KIF16B: variants seen among roughly 807,000 people sequenced by gnomAD.
KIF16B encodes kinesin family member 16B, also known as kinesin-like protein KIF16B.
Under a neutral mutation model 156.3 loss-of-function variants are expected in KIF16B, and 98 were observed. The ratio of observed to expected loss-of-function variants is 0.63; its 90% CI spans 0.53 to 0.74. The LOEUF (loss-of-function observed/expected upper bound fraction) is 0.74, where lower values mean the gene tolerates loss of function less well. KIF16B is among the 30% of genes least tolerant of loss of function. KIF16B has a pLI of 0.00. For synonymous variants in KIF16B, 564 were observed against 583.7 expected (o/e 0.97, Z 0.49); for missense variants, 1,421 against 1,606.5 (o/e 0.88, Z 1.97).
At chr20:16,530,869 T>G (rs778660160) in intron 1 of KIF16B, among the ~76,000 whole-genome samples, 2 of 152,036 alleles carry the variant, frequency 1.3e-5, no homozygotes, top group Non-Finnish European at 2.9e-5. Flanking sequence ...ACCTGCCTAT[T>G]TTTGTATTTT....
rs190894722 is a variant in KIF16B, at chr20:16,522,789, T to C, written c.231+3303A>G. On this transcript the variant is annotated intron_variant, in intron 3 of 25. Transcript: ENST00000354981. ...TGGAAGTAAAACACTCCTCAGCAAA[T>C]GCAAAAGAATGGATATCCTAACAAA... Among the ~76,000 whole-genome samples the C allele has an allele frequency of 1.1e-3, 172 of 152,200 alleles. 1 individual carries two copies. Among genetic ancestry groups the C allele is most frequent in the African/African-American group, 3.9e-3 (162 of 41,530 alleles).
chr20:16,380,974 T>C (rs940622133), intron 18 of KIF16B, among the ~76,000 whole-genome samples: 14 of 152,192 alleles, frequency 9.2e-5, no homozygotes, highest in African/African-American at 3.4e-4. Flanking sequence ...GCCAGTTTAT[T>C]TGTGACATTT....
intron 10 of KIF16B, among the ~76,000 whole-genome samples, chr20:16,501,711 A>G (rs970520682): frequency 6.6e-6 from 1 of 152,212 alleles, no homozygotes; most frequent in Non-Finnish European, 1.5e-5. Context: ...GGTGACTCTC[A>G]CAAACATAAT....
intron 25 of KIF16B, among the ~76,000 whole-genome samples, chr20:16,287,284 C>A (rs1288348375): frequency 6.6e-6 from 1 of 152,182 alleles, no homozygotes; most frequent in African/African-American, 2.4e-5. Flanking sequence ...TCTTCCAATT[C>A]TTTTAATATT....
chr20:16,522,277 T>A (rs1255406039), intron 3 of KIF16B, among the ~76,000 whole-genome samples: 1 of 151,892 alleles, frequency 6.6e-6, no homozygotes, highest in Non-Finnish European at 1.5e-5. Flanking sequence ...AGGAGACCCA[T>A]CTCACATGCA....
At chr20:16,426,440 C>T (rs371669319) in intron 15 of KIF16B, among the ~76,000 whole-genome samples, 26 of 152,232 alleles carry the variant, frequency 1.7e-4, no homozygotes, top group African/African-American at 6.0e-4. Flanking sequence ...CAACCAAATG[C>T]CATACAGGAA....
At chr20:16,546,014 C>T (rs2070393118) in intron 1 of KIF16B, among the ~76,000 whole-genome samples, 1 of 152,092 alleles carries the variant, frequency 6.6e-6, no homozygotes, top group Non-Finnish European at 1.5e-5. Context: ...ATAATTCAAA[C>T]TAAATTGCAA....
intron 24 of KIF16B, among the ~76,000 whole-genome samples, chr20:16,333,163 A>G (rs1162418692): frequency 6.6e-6 from 1 of 152,058 alleles, no homozygotes; most frequent in Non-Finnish European, 1.5e-5. Context: ...GAACAAACCA[A>G]ACTTGGTTCT....
intron 1 of KIF16B, among the ~76,000 whole-genome samples, chr20:16,553,514 A>C (rs1429706512): frequency 1.3e-5 from 2 of 152,226 alleles, no homozygotes; most frequent in African/African-American, 4.8e-5. Flanking sequence ...ATTGAGCCTA[A>C]GAGAGTATCT....
chr20:16,408,726 G>C (rs2065846986), intron 15 of KIF16B, among the ~76,000 whole-genome samples: 3 of 152,036 alleles, frequency 2.0e-5, no homozygotes, highest in Admixed American at 2.0e-4. Flanking sequence ...GCCCTGTAAG[G>C]AGTTATAAAA....
At chr20:16,402,344 A>G (rs1600299099) in intron 17 of KIF16B, among the ~76,000 whole-genome samples, 1 of 152,208 alleles carries the variant, frequency 6.6e-6, no homozygotes, top group East Asian at 1.9e-4. Context: ...CTCTCCTCCA[A>G]CAAGCATGCA....
intron 15 of KIF16B, among the ~76,000 whole-genome samples, chr20:16,422,903 T>G (rs1049133353): frequency 2.0e-5 from 3 of 152,084 alleles, no homozygotes; most frequent in African/African-American, 7.2e-5. Context: ...AAGAAAAAAT[T>G]TCTTTAAAAA....
intron 20 of KIF16B, among the ~76,000 whole-genome samples, chr20:16,372,830 T>A (rs2123330834): frequency 6.6e-6 from 1 of 152,330 alleles, no homozygotes; most frequent in East Asian, 1.9e-4. Flanking sequence ...CCCAGGTAGC[T>A]GGGATTACAG....
intron 17 of KIF16B, among the ~76,000 whole-genome samples, chr20:16,396,648 C>G (rs140346035): frequency 0.018 from 2,186 of 124,658 alleles, 28 homozygotes; most frequent in South Asian, 0.03. Flanking sequence ...ACTGTAGTCG[C>G]TTTTTTTTTT....
chr20:16,330,808 T>C (rs992786722), intron 24 of KIF16B, among the ~76,000 whole-genome samples: 12 of 152,236 alleles, frequency 7.9e-5, no homozygotes, highest in Admixed American at 7.9e-4. Context: ...CTCAGCAGGC[T>C]GTTGGGACTC....
At chr20:16,513,451 GAGTTTGAGACCAGCCT>G (rs1471885328) in intron 4 of KIF16B, among the ~76,000 whole-genome samples, 1 of 152,000 alleles carries the variant, frequency 6.6e-6, no homozygotes, top group Non-Finnish European at 1.5e-5. Flanking sequence ...CTGAGGTCAG[GAGTTTGAGACCAGCCT>G]GGCCAACATG....
At chr20:16,465,170 G>A (rs957809705) in intron 12 of KIF16B, among the ~76,000 whole-genome samples, 2 of 152,190 alleles carry the variant, frequency 1.3e-5, no homozygotes, top group Non-Finnish European at 2.9e-5. Context: ...AGAAGAAAGA[G>A]AGGCTTAACA....
chr20:16,471,636 G>C (rs1264929007), intron 12 of KIF16B, among the ~76,000 whole-genome samples: 9 of 152,120 alleles, frequency 5.9e-5, no homozygotes, highest in Admixed American at 5.9e-4. Context: ...GCCTTAACAA[G>C]TATATTTAGT....
chr20:16,567,461 G>A (rs1319628449), intron 1 of KIF16B, among the ~76,000 whole-genome samples: 2 of 152,094 alleles, frequency 1.3e-5, no homozygotes, highest in Non-Finnish European at 2.9e-5. Flanking sequence ...TGTGTGTTGT[G>A]TATTCTCTGA....
Sources: allele counts gnomAD v4.1 joint callset (sites outside exome capture counted in the v4.1 genomes callset), GRCh38; gene constraint gnomAD v4.1.1; transcripts MANE v1.5; gene names NCBI Gene and HGNC (gene_info 2026-07-23, HGNC 2026-07-21).